Variants in DLG2 observed in about 807,000 individuals in gnomAD.
DLG2 encodes the protein disks large homolog 2.
A neutral mutation model predicts 132.5 loss-of-function variants in DLG2; 45 were observed. The observed-to-expected ratio is 0.34, with a 90% CI of 0.27 to 0.44. DLG2 has a LOEUF of 0.44. Ranked by LOEUF, DLG2 falls within the 20% of genes least tolerant of loss-of-function variation. The pLI is 1.00. For missense variants in DLG2, 1,045 were observed against 1,196.9 expected, an observed-to-expected ratio of 0.87 and a Z score of 1.87; for synonymous variants, 424 against 419.6, an observed-to-expected ratio of 1.01 and a Z score of -0.13.
chr11:84,011,491 T>A (rs10792702), intron 11 of DLG2, among the ~76,000 whole-genome samples: 87,292 of 148,400 alleles, frequency 0.59, 26,890 homozygotes, highest in Non-Finnish European at 0.69. Context: ...ATAAATAAAT[T>A]AATTAATTAA....
chr11:83,460,895 GAT>G (rs2089797305), intron 27 of DLG2, among the ~76,000 whole-genome samples: 1 of 150,988 alleles, frequency 6.6e-6, no homozygotes, highest in Non-Finnish European at 1.5e-5. Context: ...CCTGATTCAA[GAT>G]ATTTACAAAC....
At chr11:83,842,572 T>C (rs373055104) in intron 16 of DLG2, among the ~76,000 whole-genome samples, 13 of 146,540 alleles carry the variant, frequency 8.9e-5, no homozygotes, top group African/African-American at 3.3e-4. Context: ...CTCATGCTTG[T>C]AGTCCCAGCA....
intron 4 of DLG2, among the ~76,000 whole-genome samples, chr11:85,254,200 A>T (rs1051950071): frequency 6.6e-6 from 1 of 152,204 alleles, no homozygotes; most frequent in Non-Finnish European, 1.5e-5. Context: ...AGTTAAATTT[A>T]AAAAAAGGAA....
intron 3 of DLG2, among the ~76,000 whole-genome samples, chr11:85,405,799 A>C (rs1039414388): frequency 6.6e-6 from 1 of 151,964 alleles, no homozygotes; most frequent in African/African-American, 2.4e-5. Flanking sequence ...GGTAACTATA[A>C]AGAGAGGTGA....
intron 21 of DLG2, among the ~76,000 whole-genome samples, chr11:83,514,449 T>C (rs1353352454): frequency 6.6e-6 from 1 of 152,230 alleles, no homozygotes; most frequent in Non-Finnish European, 1.5e-5. Flanking sequence ...TGGGGTTTTC[T>C]AGATATACAA....
chr11:85,560,106 G>C (rs991914089), intron 3 of DLG2, among the ~76,000 whole-genome samples: 15 of 151,802 alleles, frequency 9.9e-5, no homozygotes, highest in African/African-American at 3.6e-4. Flanking sequence ...CAAGGATATG[G>C]AGAAACTACA....
chr11:84,338,698 C>T (rs750792630), intron 7 of DLG2, among the ~76,000 whole-genome samples: 3 of 151,924 alleles, frequency 2.0e-5, no homozygotes, highest in Non-Finnish European at 4.4e-5. Context: ...CCCAGCTACA[C>T]GGGAGGCTGA....
intron 19 of DLG2, among the ~76,000 whole-genome samples, chr11:83,580,949 A>C (rs1593682809): frequency 1.6e-5 from 2 of 123,728 alleles, no homozygotes; most frequent in East Asian, 2.5e-4. Flanking sequence ...TCCTTTCTCC[A>C]TTCCTCCCTA....
chr11:85,555,833 C>T (rs187379806), intron 3 of DLG2, among the ~76,000 whole-genome samples: 10 of 151,836 alleles, frequency 6.6e-5, no homozygotes, highest in East Asian at 1.9e-4. Flanking sequence ...TTGCTCCAGG[C>T]GAGTGCCCTT....
chr11:84,142,375 A>G (rs2094892720), intron 9 of DLG2, among the ~76,000 whole-genome samples: 1 of 151,872 alleles, frequency 6.6e-6, no homozygotes, highest in Non-Finnish European at 1.5e-5. Context: ...TAAAATGTGA[A>G]TAAAGCATTG....
In DLG2 at chr11:85,431,726, T is replaced by A. The variant is rs2091197591; in HGVS notation, c.41-146361A>T. On this transcript the variant is annotated intron_variant, in intron 3 of 27. Coordinates refer to ENST00000376104, the MANE Select transcript of DLG2 (RefSeq NM_001142699.3). Reference sequence around the variant, plus strand: ...AGTCTCCATGAACCAGCAGACATAGTCTTTCCTCCTGCTAGCTCTGAGGAA... The same window carrying A: ...AGTCTCCATGAACCAGCAGACATAGACTTTCCTCCTGCTAGCTCTGAGGAA... 2.6e-5 allele frequency among the ~76,000 whole-genome samples: 4 copies of A among 152,316 alleles called. No homozygotes were observed. In the South Asian group the frequency reaches 8.3e-4, roughly 32 times the overall value.
chr11:83,599,433 A>G (rs2058160121), intron 19 of DLG2, among the ~76,000 whole-genome samples: 1 of 152,084 alleles, frequency 6.6e-6, no homozygotes, highest in African/African-American at 2.4e-5. Context: ...TTGGACAACT[A>G]TCTATCGCCT....
At chr11:83,880,349 T>C (rs960910182) in intron 15 of DLG2, among the ~76,000 whole-genome samples, 1 of 152,206 alleles carries the variant, frequency 6.6e-6, no homozygotes, top group Non-Finnish European at 1.5e-5. Context: ...AATAAATGCC[T>C]AAACTTGAAT....
chr11:84,616,324 A>G (rs1490694594), intron 6 of DLG2, among the ~76,000 whole-genome samples: 1 of 152,126 alleles, frequency 6.6e-6, no homozygotes, highest in Non-Finnish European at 1.5e-5. Flanking sequence ...CTGAATTTTG[A>G]TATTTGTTTT....
At chr11:84,961,999 G>A (rs1393534177) in intron 6 of DLG2, among the ~76,000 whole-genome samples, 1 of 152,142 alleles carries the variant, frequency 6.6e-6, no homozygotes, top group Non-Finnish European at 1.5e-5. Context: ...GGTGCTATAA[G>A]CTTTAGATGG....
At chr11:85,276,012 G>C (rs1196228402) in intron 4 of DLG2, among the ~76,000 whole-genome samples, 1 of 152,134 alleles carries the variant, frequency 6.6e-6, no homozygotes, top group Non-Finnish European at 1.5e-5. Flanking sequence ...TCCATGGACG[G>C]AGTCTAAGGC....
At chr11:83,630,639 C>T (rs1452177550) in intron 19 of DLG2, among the ~76,000 whole-genome samples, 1 of 152,132 alleles carries the variant, frequency 6.6e-6, no homozygotes, top group East Asian at 1.9e-4. Context: ...TTGGGAATCA[C>T]AGCTAAAGTG....
At chr11:83,549,691 T>C (rs1310200593) in intron 19 of DLG2, among the ~76,000 whole-genome samples, 1 of 152,204 alleles carries the variant, frequency 6.6e-6, no homozygotes. Flanking sequence ...GCTCTTATTT[T>C]ATAAAAATCA....
intron 16 of DLG2, among the ~76,000 whole-genome samples, chr11:83,871,620 A>G (rs2063455244): frequency 6.6e-6 from 1 of 152,260 alleles, no homozygotes; most frequent in Non-Finnish European, 1.5e-5. Flanking sequence ...AAGATGAAAA[A>G]TAACTTTCCC....
Sources: gnomAD v4.1 joint callset for allele counts (sites outside exome capture counted in the v4.1 genomes callset) on GRCh38, gnomAD v4.1.1 for gene constraint, MANE v1.5 for transcripts, NCBI Gene and HGNC (gene_info 2026-07-23, HGNC 2026-07-21) for gene names.